EPB41L2: variants seen among roughly 807,000 people sequenced by gnomAD.
EPB41L2 encodes band 4.1-like protein 2.
Under a neutral mutation model 113.0 loss-of-function variants are expected in EPB41L2, and 43 were observed. The observed-to-expected ratio is 0.38, with a 90% CI of 0.30 to 0.49. The LOEUF (loss-of-function observed/expected upper bound fraction) is 0.49, where lower values mean the gene tolerates loss of function less well. Among genes scored for constraint, EPB41L2 ranks in the 20% least tolerant of loss-of-function variants. The probability of loss-of-function intolerance (pLI) is 0.95; values close to 1 mark genes in which losing one functional copy is unlikely to be tolerated. For missense variants in EPB41L2, 1,147 were observed against 1,223.4 expected, an observed-to-expected ratio of 0.94 and a Z score of 0.93; for synonymous variants, 442 against 436.7, an observed-to-expected ratio of 1.01 and a Z score of -0.15.
intron 1 of EPB41L2, among the ~76,000 whole-genome samples, chr6:130,970,723 A>C (rs1776571235): frequency 6.6e-6 from 1 of 152,164 alleles, no homozygotes; most frequent in Admixed American, 6.5e-5. Context: ...AATAGACACC[A>C]AAAGTATATG....
rs983617553 is a variant in EPB41L2, at chr6:130,946,954, CA to C, written c.705+8150del. Among the ~76,000 whole-genome samples, 7 of 147,662 alleles carry C rather than the reference CA, an allele frequency of 4.7e-5. No individual in the cohort carries two copies. The East Asian group carries it at 7.9e-4, about 17-fold the overall frequency. On this transcript the variant is annotated intron_variant, in intron 3 of 19. Transcript: ENST00000337057. Reference sequence around the variant, plus strand: ...CATACCCAATGTTCTAATCGCATCACAAAAAAAAATTATCTATAGAGACCAC... The same window carrying C: ...CATACCCAATGTTCTAATCGCATCACAAAAAAAATTATCTATAGAGACCAC...
At chr6:130,852,583 T>C (rs143430236) in intron 19 of EPB41L2, among the ~76,000 whole-genome samples, 6 of 152,228 alleles carry the variant, frequency 3.9e-5, no homozygotes, top group Non-Finnish European at 7.4e-5. Context: ...CTAAATATGA[T>C]GTGTGATTCT....
At chr6:131,062,924 G>A (rs969086828) in intron 1 of EPB41L2, among the ~76,000 whole-genome samples, 1 of 152,042 alleles carries the variant, frequency 6.6e-6, no homozygotes, top group African/African-American at 2.4e-5. Flanking sequence ...GGCAAGAATC[G>A]GGTCGGGCAG....
chr6:131,008,877 T>C (rs1011701511), intron 1 of EPB41L2, among the ~76,000 whole-genome samples: 9 of 152,270 alleles, frequency 5.9e-5, no homozygotes, highest in African/African-American at 2.2e-4. Flanking sequence ...ACCCCCATTT[T>C]ATCTAGGATT....
chr6:130,962,578 A>G (rs552132648), intron 1 of EPB41L2, among the ~76,000 whole-genome samples: 93 of 152,232 alleles, frequency 6.1e-4, no homozygotes, highest in African/African-American at 2.1e-3. Context: ...TCACTTGTTT[A>G]TTTATTTTTA....
At chr6:130,965,552 T>C (rs797004949) in intron 1 of EPB41L2, among the ~76,000 whole-genome samples, 8 of 145,400 alleles carry the variant, frequency 5.5e-5, no homozygotes, top group African/African-American at 2.1e-4. Context: ...ATCAAAAAAA[T>C]AAAAAACAAA....
chr6:131,021,817 A>G (rs1171269309), intron 1 of EPB41L2, among the ~76,000 whole-genome samples: 1 of 152,230 alleles, frequency 6.6e-6, no homozygotes, highest in Non-Finnish European at 1.5e-5. Flanking sequence ...TAAGGCACCT[A>G]GTTGGTAAGG....
chr6:130,973,116 A>C (rs1451471154), intron 1 of EPB41L2, among the ~76,000 whole-genome samples: 2 of 152,084 alleles, frequency 1.3e-5, no homozygotes, highest in Non-Finnish European at 2.9e-5. Flanking sequence ...AAAATAAAAA[A>C]TTTTAAAAAG....
At chr6:130,876,270 A>G (rs1192064965) in intron 14 of EPB41L2, among the ~76,000 whole-genome samples, 1 of 152,200 alleles carries the variant, frequency 6.6e-6, no homozygotes, top group Admixed American at 6.5e-5. Context: ...GTGAAAACTC[A>G]AAAGGTTTCC....
At chr6:130,977,521 T>C (rs1330472884) in intron 1 of EPB41L2, among the ~76,000 whole-genome samples, 1 of 152,130 alleles carries the variant, frequency 6.6e-6, no homozygotes, top group Non-Finnish European at 1.5e-5. Flanking sequence ...TTCATTGTTG[T>C]CCAAGGGCCA....
intron 1 of EPB41L2, among the ~76,000 whole-genome samples, chr6:131,044,957 CATACATATAT>C (rs1295600449): frequency 1.3e-5 from 2 of 152,104 alleles, no homozygotes; most frequent in Admixed American, 1.3e-4. Context: ...TTCTGTTATT[CATACATATAT>C]ATACATATAC....
Position 130,949,748 on chromosome 6 carries a change from G to T in EPB41L2, c.705+5357C>A, listed in dbSNP as rs138612244. 5.7e-3 allele frequency among the ~76,000 whole-genome samples: 861 copies of T among 152,080 alleles called. 28 individuals carry two copies. The highest frequency in any genetic ancestry group is 0.051 in the Admixed American group (774 of 15,258). Reference sequence around the variant, plus strand: ...AACTGCATGGATCCACTTACACCTAGATTTTCTTCCACCAAGAAACAGACA... The same window carrying T: ...AACTGCATGGATCCACTTACACCTATATTTTCTTCCACCAAGAAACAGACA... On this transcript the variant is annotated intron_variant, in intron 3 of 19. Transcript: ENST00000337057.
intron 3 of EPB41L2, among the ~76,000 whole-genome samples, chr6:130,935,151 A>T (rs940047373): frequency 2.0e-5 from 3 of 152,198 alleles, no homozygotes; most frequent in African/African-American, 7.2e-5. Flanking sequence ...AATTAAAATT[A>T]AAAAGCTGCT....
At chr6:131,014,040 A>C (rs1787641648) in intron 1 of EPB41L2, 1 of 146,406 alleles carries the variant, frequency 6.8e-6, no homozygotes. Context: ...CATGTTTCAA[A>C]TAAATAGTTA....
chr6:130,909,608 A>C (rs1202511381), intron 4 of EPB41L2, among the ~76,000 whole-genome samples: 1 of 152,242 alleles, frequency 6.6e-6, no homozygotes, highest in Non-Finnish European at 1.5e-5. Context: ...CTCTGTTTGC[A>C]GATGACATGA....
Position 130,956,177 on chromosome 6 carries a change from G to T in EPB41L2, c.309C>A (p.Thr103=). 1 of 1,614,056 alleles carries T rather than the reference G, an allele frequency of 6.2e-7. No homozygotes were observed. The highest frequency in any genetic ancestry group is 8.5e-7 in the Non-Finnish European group (1 of 1,180,022). Residue 103 remains threonine, a synonymous_variant, in exon 2 of 20, where the codon ACC becomes ACA. Coordinates refer to ENST00000337057, the MANE Select transcript of EPB41L2 (RefSeq NM_001431.4). ...AGACCTGTTCTTCAACAACAGCTTG[G>T]GTAGGCTCTTTTTTATCTCCTCCAT... The part of the protein sequence containing the change: ...AKDGGDKKEP[T]QAVVEEQVLD...
intron 18 of EPB41L2, among the ~76,000 whole-genome samples, chr6:130,860,829 C>T (rs954875386): frequency 8.6e-5 from 13 of 152,002 alleles, no homozygotes; most frequent in South Asian, 2.1e-4. Context: ...CCACCGCGCC[C>T]GGCTCTTACT....
chr6:130,990,889 T>C (rs1562677307), intron 1 of EPB41L2, among the ~76,000 whole-genome samples: 2 of 150,878 alleles, frequency 1.3e-5, no homozygotes, highest in African/African-American at 4.9e-5. Flanking sequence ...TGCAGTGGCA[T>C]GATCTTGGCT....
At chr6:130,974,707 C>CTT (rs1212699869) in intron 1 of EPB41L2, among the ~76,000 whole-genome samples, 1 of 87,234 alleles carries the variant, frequency 1.1e-5, no homozygotes, top group African/African-American at 4.0e-5. Flanking sequence ...CCTCTTTTTT[C>CTT]TTTTCTTTTC....
Sources: allele counts gnomAD v4.1 joint callset (sites outside exome capture counted in the v4.1 genomes callset), GRCh38; gene constraint gnomAD v4.1.1; transcripts MANE v1.5; gene names NCBI Gene and HGNC (gene_info 2026-07-23, HGNC 2026-07-21).